Variants in HDHD5 observed in about 807,000 individuals in gnomAD.
HDHD5 encodes the protein haloacid dehalogenase like hydrolase domain containing 5.
In HDHD5, 34 loss-of-function variants were observed where a neutral mutation model predicts 35.5. The observed-to-expected ratio is 0.96, with a 90% confidence interval of 0.73 to 1.28. The LOEUF is 1.28. Ranked by LOEUF, HDHD5 falls within the 50% of genes most tolerant of loss-of-function variation. The pLI is 0.00. For synonymous variants in HDHD5, 248 were observed against 240.6 expected (o/e 1.03, Z -0.29); for missense variants, 589 against 560.2 (o/e 1.05, Z -0.52).
Position 17,138,166 on chromosome 22 carries a change from G to A in HDHD5, c.1127C>T (p.Pro376Leu), listed in dbSNP as rs2123841953. 3 of 1,614,208 alleles carry A rather than the reference G, an allele frequency of 1.9e-6. No individual in the cohort carries two copies. Among genetic ancestry groups the A allele is most frequent in the Non-Finnish European group, 2.5e-6 (3 of 1,180,018 alleles). Residue 376 changes from proline to leucine, a missense_variant, in exon 8 of 8, where the codon CCT becomes CTT. Coordinates refer to ENST00000336737, the MANE Select transcript of HDHD5 (RefSeq NM_033070.3). ...YNPRNPQSTE[P>L]VLGGGEPPFH... ...TGGAGGCTCCCCTCCTCCAAGGACAGGCTCCGTGGACTGTGGGTTCCTGGG... is the reference window on the plus strand; with the variant it reads ...TGGAGGCTCCCCTCCTCCAAGGACAAGCTCCGTGGACTGTGGGTTCCTGGG...
At chr22:17,151,756 GAAGA>G (rs1382401679) in intron 1 of HDHD5, among the ~76,000 whole-genome samples, 13 of 142,870 alleles carry the variant, frequency 9.1e-5, no homozygotes, top group Non-Finnish European at 1.7e-4. Context: ...AAAAAAAGAA[GAAGA>G]AAGAAAGAAG....
chr22:17,138,526 C>T, intron 7 of HDHD5, 24 bp downstream of exon 7: 1 of 1,609,026 alleles, frequency 6.2e-7, no homozygotes, highest in Non-Finnish European at 8.5e-7. Context: ...ATAAAAGGGA[C>T]AAAGGAGGGA....
intron 1 of HDHD5, 80 bp downstream of exon 1, chr22:17,159,046 G>C (rs1005914690): frequency 8.8e-7 from 1 of 1,140,594 alleles, no homozygotes; most frequent in Non-Finnish European, 1.1e-6. Context: ...CAGCCCGGCC[G>C]CCCCTCCTTC....
rs113575196 is a variant in HDHD5, at chr22:17,145,440, A to G, written c.444-323T>C. Among the ~76,000 whole-genome samples, 646 of 152,326 alleles carry G rather than the reference A, an allele frequency of 4.2e-3. 3 individuals carry two copies. The highest frequency in any genetic ancestry group is 6.8e-3 in the Non-Finnish European group (463 of 68,018). On this transcript the variant is annotated intron_variant, in intron 3 of 7. Coordinates refer to ENST00000336737, the MANE Select transcript of HDHD5 (RefSeq NM_033070.3). The stretch of plus-strand genomic sequence containing the variant: ...TGTCCCCAGCTGGGTGCAGTGGCTC[A>G]TGCCTGAAATCCCAGCACTTTGGGA...
chr22:17,159,627 A>T, upstream of HDHD5: 1 of 391,368 alleles, frequency 2.6e-6, no homozygotes, highest in Non-Finnish European at 5.0e-6. Context: ...CTCAACCTTG[A>T]CTTCAGGGCC....
chr22:17,144,436 C>CG (rs747668321), intron 4 of HDHD5, among the ~76,000 whole-genome samples: 36 of 139,272 alleles, frequency 2.6e-4, no homozygotes, highest in Middle Eastern at 7.9e-3. Context: ...TTTTTTGAGA[C>CG]GGAGTCTCGC....
At chr22:17,160,142 A>G (rs1402332014), upstream of HDHD5, among the ~76,000 whole-genome samples, 2 of 152,172 alleles carry the variant, frequency 1.3e-5, no homozygotes, top group African/African-American at 4.8e-5. Flanking sequence ...TAGCTATGCT[A>G]AAAACGCGGG....
intron 1 of HDHD5, among the ~76,000 whole-genome samples, chr22:17,152,057 G>A (rs1438432620): frequency 6.6e-6 from 1 of 152,144 alleles, no homozygotes; most frequent in Non-Finnish European, 1.5e-5. Flanking sequence ...GGTTCAATGA[G>A]AAGACAATTA....
rs1257994476 is a variant in HDHD5, at chr22:17,138,095, C to T, written c.1198G>A (p.Ala400Thr). ...DLCFSPGLME[A>T]SHVVNDVNEA... ...TTCACGTCATTCACCACGTGGGAGGCCTCCATGAGCCCTGGACTGAAGCAT... is the reference window on the plus strand; with the variant it reads ...TTCACGTCATTCACCACGTGGGAGGTCTCCATGAGCCCTGGACTGAAGCAT... Residue 400 changes from alanine to threonine, a missense_variant, in exon 8 of 8, where the codon GCC (alanine) becomes ACC (threonine). By Grantham distance (58) the Ala-to-Thr change is moderately conservative (BLOSUM62 0). Transcript: ENST00000336737. The T allele has an allele frequency of 1.2e-6, 2 of 1,614,150 alleles. No individual in the cohort carries two copies. The highest frequency in any genetic ancestry group is 1.7e-6 in the Non-Finnish European group (2 of 1,180,006).
chr22:17,165,021 TATCTCTCTCC>T (rs1217214386), intron 1 of HDHD5, among the ~76,000 whole-genome samples: 1 of 152,218 alleles, frequency 6.6e-6, no homozygotes, highest in Non-Finnish European at 1.5e-5. Flanking sequence ...TCTCTCTTTC[TATCTCTCTCC>T]ATCTCTCTCA....
At chr22:17,152,896 G>A (rs538005627) in intron 1 of HDHD5, among the ~76,000 whole-genome samples, 180 of 151,978 alleles carry the variant, frequency 1.2e-3, no homozygotes, top group African/African-American at 4.1e-3. Flanking sequence ...GCTTGTACAT[G>A]AGCCCTCCAA....
Position 17,159,182 on chromosome 22 carries a change from C to G in HDHD5, c.70G>C (p.Ala24Pro), listed in dbSNP as rs775163454. 23 of 1,213,910 alleles carry G rather than the reference C, an allele frequency of 1.9e-5. No homozygotes were observed. Among genetic ancestry groups the G allele is most frequent in the African/African-American group, 3.2e-5 (2 of 63,400 alleles). The allele number at this position is 1,213,910 out of a possible 1,614,324, so 75.2% of individuals were successfully genotyped here. A position where few individuals can be genotyped will look rare whatever the true frequency, so the allele number is the denominator to read the frequency against. ...RGLCWRAARA[A>P]AGLQGRPARR... is the part of the protein sequence containing the mutation. ...GCGGGGCGGCCCTGGAGCCCCGCAG[C>G]CGCGCGCGCCGCCCGCCAGCAAAGC... The change falls in exon 1 of 8, where the codon GCT becomes CCT. Residue 24 changes from alanine (A) to proline (P), a missense_variant. Coordinates refer to ENST00000336737, the MANE Select transcript of HDHD5 (RefSeq NM_033070.3).
At chr22:17,149,881 G>A (rs1432017484) in intron 1 of HDHD5, 136 bp from the exon 2 acceptor site, 4 of 655,964 alleles carry the variant, frequency 6.1e-6, no homozygotes, top group East Asian at 2.8e-5. Flanking sequence ...AATGAAGATG[G>A]GATTCTGATA....
In HDHD5 at chr22:17,147,635, G is replaced by A. The variant is rs568676123; in HGVS notation, c.443+813C>T. On this transcript the variant is annotated intron_variant, in intron 3 of 7. Transcript: ENST00000336737. ...TGAGCTTACCGGCCTTCAATCACAC[G>A]CCATCGCACACGCCCCACACCTGTG... is the stretch of plus-strand genomic sequence containing the variant. Among the ~76,000 whole-genome samples, 79 of 139,192 alleles carry A rather than the reference G, an allele frequency of 5.7e-4. 1 individual carries two copies. The East Asian group carries it at 9.5e-3, about 17-fold the overall frequency. The allele number at this position is 139,192 out of a possible 152,430, so 91.3% of individuals were successfully genotyped here.
chr22:17,160,019 G>A (rs1204639724), upstream of HDHD5, among the ~76,000 whole-genome samples: 5 of 152,260 alleles, frequency 3.3e-5, no homozygotes, highest in Non-Finnish European at 7.3e-5. Context: ...AGCAGAGCTG[G>A]ATCTGGTAGT....
intron 1 of HDHD5, among the ~76,000 whole-genome samples, chr22:17,150,848 C>T (rs1362987975): frequency 6.6e-6 from 1 of 152,144 alleles, no homozygotes; most frequent in Non-Finnish European, 1.5e-5. Flanking sequence ...ATGCATAGCT[C>T]TATTTCCTAA....
At chr22:17,160,828 A>G (rs2061858564), upstream of HDHD5, among the ~76,000 whole-genome samples, 1 of 152,164 alleles carries the variant, frequency 6.6e-6, no homozygotes, top group Non-Finnish European at 1.5e-5. Context: ...CTGCCAGGGG[A>G]CATAGCTCTC....
chr22:17,159,369 G>A, upstream of HDHD5: 6 of 1,165,224 alleles, frequency 5.1e-6, no homozygotes, highest in Non-Finnish European at 5.7e-6. Flanking sequence ...AGTCCTGTAA[G>A]CGCGCGGAGC....
At chr22:17,146,338 C>CAT (rs2061662114) in intron 3 of HDHD5, among the ~76,000 whole-genome samples, 2 of 146,478 alleles carry the variant, frequency 1.4e-5, no homozygotes, top group African/African-American at 2.5e-5. Flanking sequence ...CAATCACATG[C>CAT]CATCGCACAC....
Sources: allele counts gnomAD v4.1 joint callset (sites outside exome capture counted in the v4.1 genomes callset), GRCh38; gene constraint gnomAD v4.1.1; transcripts MANE v1.5; gene names NCBI Gene and HGNC (gene_info 2026-07-23, HGNC 2026-07-21).